Variants in ZFP92 observed in about 807,000 individuals in gnomAD.
ZFP92 encodes zinc finger protein 92 homolog.
Under a neutral mutation model 7.6 loss-of-function variants are expected in ZFP92, and 2 were observed. The observed-to-expected ratio is 0.26, with a 90% CI of 0.11 to 0.83. The LOEUF is 0.83. ZFP92 is among the 40% of genes least tolerant of loss of function. The probability of loss-of-function intolerance (pLI) is 0.65; values close to 1 mark genes in which losing one functional copy is unlikely to be tolerated. For synonymous variants in ZFP92, 226 were observed against 183.6 expected, an observed-to-expected ratio of 1.23 and a Z score of -1.87; for missense variants, 324 against 408.3, an observed-to-expected ratio of 0.79 and a Z score of 1.78.
At chrX:153,419,417 G>A (rs782605746) in intron 4 of ZFP92, among the ~76,000 whole-genome samples, 9 of 112,629 alleles carry the variant, frequency 8.0e-5, no homozygotes, top group Non-Finnish European at 9.4e-5. Flanking sequence ...GATGGGGGCC[G>A]GAGCACTCAG....
At chrX:153,418,148 G>A (rs1029860233) in intron 2 of ZFP92, among the ~76,000 whole-genome samples, 157 bp from the exon 3 acceptor site, 2 of 112,269 alleles carry the variant, frequency 1.8e-5, no homozygotes, top group Admixed American at 9.4e-5. Flanking sequence ...AAGGTCTGAT[G>A]GTGAGGGGCC....
In ZFP92 at chrX:153,423,555, T is replaced by C. The variant is rs1002619867; in HGVS notation, c.*1927T>C. 2 of 112,421 alleles carry C rather than the reference T, an allele frequency of 1.8e-5. No homozygotes were observed. The highest frequency in any genetic ancestry group is 3.8e-5 in the Non-Finnish European group (2 of 53,274). The allele number at this position is 112,421 out of a possible 1,213,427, so 9.3% of individuals were successfully genotyped here. Reference sequence around the variant, plus strand: ...CGTTCTTGTCTGCAAGCTGGTCTCATAAGCCCACAAGTGTGTGTCATGCCT... The same window carrying C: ...CGTTCTTGTCTGCAAGCTGGTCTCACAAGCCCACAAGTGTGTGTCATGCCT... On this transcript the variant is annotated 3_prime_UTR_variant, in exon 6 of 6. Transcript: ENST00000338647.
At chrX:153,415,110 T>C (rs1339162397) in intron 2 of ZFP92, among the ~76,000 whole-genome samples, 1 of 112,696 alleles carries the variant, frequency 8.9e-6, no homozygotes, top group Admixed American at 9.3e-5. Flanking sequence ...GGGCTGTCCC[T>C]ACTTGTCTGG....
At chrX:153,412,987 T>G (rs1430898229) in intron 2 of ZFP92, among the ~76,000 whole-genome samples, 2 of 111,448 alleles carry the variant, frequency 1.8e-5, no homozygotes, top group Non-Finnish European at 3.8e-5. Context: ...AGGGCCCCGG[T>G]CGACCCATGC....
At chrX:153,413,445 G>A (rs919165932) in intron 2 of ZFP92, among the ~76,000 whole-genome samples, 1 of 108,017 alleles carries the variant, frequency 9.3e-6, no homozygotes, top group Non-Finnish European at 1.9e-5. Flanking sequence ...CCGCAAGCAG[G>A]GGTCCCGGGT....
intron 2 of ZFP92, among the ~76,000 whole-genome samples, chrX:153,417,407 A>T (rs2088961666): frequency 1.8e-5 from 2 of 111,690 alleles, no homozygotes; most frequent in African/African-American, 6.5e-5. Flanking sequence ...TCACCCCTTC[A>T]GAGAGCACCC....
In ZFP92 at chrX:153,424,623, G is replaced by A. The variant is rs1034302626; in HGVS notation, c.*2995G>A. On this transcript the variant is annotated 3_prime_UTR_variant, in exon 6 of 6. Coordinates refer to ENST00000338647, the MANE Select transcript of ZFP92 (RefSeq NM_001136273.2). The stretch of plus-strand genomic sequence containing the variant: ...CCAAGGCTTCCTCCACCCTGCCACC[G>A]AAGAACTTACCTGGATGCCAACCTG... 4 of 111,940 alleles carry A rather than the reference G, an allele frequency of 3.6e-5. No homozygotes were observed. The highest frequency in any genetic ancestry group is 9.7e-5 in the African/African-American group (3 of 30,789). 9.2% of individuals were successfully genotyped at this position (111,940 alleles called of 1,213,427 possible).
Position 153,425,546 on chromosome X carries a change from A to G in ZFP92, c.*3918A>G, listed in dbSNP as rs1441224499. On this transcript the variant is annotated 3_prime_UTR_variant, in exon 6 of 6. Transcript: ENST00000338647. ...AAGAATGACAAAGGGAAGTTAATAT[A>G]AATTATGACTACCACAGGGTTTGAA... 1.8e-5 allele frequency: 2 copies of G among 111,971 alleles called. No homozygotes were observed. Among genetic ancestry groups the G allele is most frequent in the Non-Finnish European group, 3.8e-5 (2 of 53,155 alleles). 9.2% of individuals were successfully genotyped at this position (111,971 alleles called of 1,213,427 possible).
At position 153,424,305 on chromosome X, in the gene ZFP92, TGC is replaced by T. The variant is rs2089028398; in HGVS notation, c.*2678_*2679del. ...TTAAAATAGTGCAGCCTTTTATCAT[TGC>T]TTAGTCTAATTTAGCTCCCCATAAT... On this transcript the variant is annotated 3_prime_UTR_variant, in exon 6 of 6. Coordinates refer to ENST00000338647, the MANE Select transcript of ZFP92 (RefSeq NM_001136273.2). 1 of 112,235 alleles carries T rather than the reference TGC, an allele frequency of 8.9e-6. No individual in the cohort carries two copies. The highest frequency in any genetic ancestry group is 1.9e-5 in the Non-Finnish European group (1 of 53,257). 9.2% of individuals were successfully genotyped at this position (112,235 alleles called of 1,213,427 possible).
intron 2 of ZFP92, among the ~76,000 whole-genome samples, chrX:153,414,028 C>T (rs2088930916): frequency 8.9e-6 from 1 of 112,690 alleles, no homozygotes; most frequent in Admixed American, 9.3e-5. Flanking sequence ...TCAGACCTGC[C>T]TCAGTAATCT....
intron 2 of ZFP92, among the ~76,000 whole-genome samples, chrX:153,415,464 T>C (rs1162502857): frequency 8.9e-6 from 1 of 112,119 alleles, no homozygotes; most frequent in African/African-American, 3.2e-5. Context: ...TTCCATTGTA[T>C]ATATAGGCTC....
At chrX:153,420,137 G>C in intron 4 of ZFP92, 91 bp from the exon 5 acceptor site, 3 of 673,747 alleles carry the variant, frequency 4.5e-6, no homozygotes, top group Admixed American at 3.7e-5. Flanking sequence ...TTTATTCTCT[G>C]TTACCTGAAG....
chrX:153,418,108 T>C (rs191591449), intron 2 of ZFP92, among the ~76,000 whole-genome samples, 197 bp from the exon 3 acceptor site: 98 of 112,126 alleles, frequency 8.7e-4, no homozygotes, highest in Non-Finnish European at 1.7e-3. Context: ...TTTGTAGTAC[T>C]TATTATGGCC....
At chrX:153,418,482 G>C (rs919014406) in intron 3 of ZFP92, 127 bp downstream of exon 3, 5 of 987,765 alleles carry the variant, frequency 5.1e-6, no homozygotes, top group Non-Finnish European at 5.5e-6. Flanking sequence ...TTCCTGAGGC[G>C]CACAATCTGG....
Position 153,420,514 on chromosome X carries a change from CTGTCTGCCTGTGTGA to C in ZFP92, c.266-126_266-112del, listed in dbSNP as rs781858784. 54 of 994,077 alleles carry C rather than the reference CTGTCTGCCTGTGTGA, an allele frequency of 5.4e-5. No individual in the cohort carries two copies. In the East Asian group the frequency reaches 1.0e-3, roughly 19 times the overall value. 81.9% of individuals were successfully genotyped at this position (994,077 alleles called of 1,213,427 possible). A position where few individuals can be genotyped will look rare whatever the true frequency, so the allele number is the denominator to read the frequency against. On this transcript the variant is annotated intron_variant, in intron 5 of 5. Transcript: ENST00000338647. ...CCATCCTCCCGCCCCTTCATCTCTC[CTGTCTGCCTGTGTGA>C]TGGCTTTCTGTTCTGTGGTCACCTT...
At chrX:153,417,293 C>G (rs949747020) in intron 2 of ZFP92, among the ~76,000 whole-genome samples, 1 of 112,413 alleles carries the variant, frequency 8.9e-6, no homozygotes, top group Non-Finnish European at 1.9e-5. Flanking sequence ...ATTTTCAGCA[C>G]CACGAATGCC....
At chrX:153,415,785 C>T (rs2088946651) in intron 2 of ZFP92, among the ~76,000 whole-genome samples, 1 of 111,134 alleles carries the variant, frequency 9.0e-6, no homozygotes, top group Admixed American at 9.5e-5. Context: ...GCCATTCCCT[C>T]CCCCAAATGC....
intron 2 of ZFP92, among the ~76,000 whole-genome samples, 156 bp downstream of exon 2, chrX:153,412,169 G>A (rs1211877581): frequency 8.9e-6 from 1 of 112,762 alleles, no homozygotes; most frequent in African/African-American, 3.2e-5. Context: ...GGGGGCTGGT[G>A]CCTCGCGGTG....
chrX:153,417,898 A>T (rs1556974072), intron 2 of ZFP92, among the ~76,000 whole-genome samples: 1 of 111,978 alleles, frequency 8.9e-6, no homozygotes, highest in African/African-American at 3.3e-5. Flanking sequence ...ACAACAGACC[A>T]GGGAAATTGG....
Sources: gnomAD v4.1 joint callset for allele counts (sites outside exome capture counted in the v4.1 genomes callset) on GRCh38, gnomAD v4.1.1 for gene constraint, MANE v1.5 for transcripts, NCBI Gene and HGNC (gene_info 2026-07-23, HGNC 2026-07-21) for gene names.